Variants in SRRM4 observed in about 807,000 individuals in gnomAD.
SRRM4 encodes the protein serine/arginine repetitive matrix 4, also known as serine/arginine repetitive matrix protein 4.
Under a neutral mutation model 68.9 loss-of-function variants are expected in SRRM4, and 33 were observed. The observed-to-expected ratio is 0.48, with a 90% CI of 0.36 to 0.64. The LOEUF (loss-of-function observed/expected upper bound fraction) is 0.64, where lower values mean the gene tolerates loss of function less well. SRRM4 is among the 30% of genes least tolerant of loss of function. The probability of loss-of-function intolerance (pLI) is 0.00; values close to 1 mark genes in which losing one functional copy is unlikely to be tolerated. For synonymous variants in SRRM4, 318 were observed against 318.8 expected (o/e 1.00, Z 0.03); for missense variants, 817 against 827.1 (o/e 0.99, Z 0.15).
chr12:119,086,254 T>C (rs150494130), intron 1 of SRRM4, among the ~76,000 whole-genome samples: 91 of 152,238 alleles, frequency 6.0e-4, no homozygotes, highest in African/African-American at 2.0e-3. Context: ...ATATTCTTAG[T>C]TGGGCGCAAG....
chr12:119,114,913 C>T (rs867638583), intron 3 of SRRM4, among the ~76,000 whole-genome samples: 2 of 151,844 alleles, frequency 1.3e-5, no homozygotes, highest in African/African-American at 4.8e-5. Flanking sequence ...ATCCGCCTGC[C>T]TCGGCCTTCC....
chr12:119,035,406 T>C (rs932666929), intron 1 of SRRM4, among the ~76,000 whole-genome samples: 2 of 152,202 alleles, frequency 1.3e-5, no homozygotes, highest in Non-Finnish European at 2.9e-5. Flanking sequence ...TTGAACTTAG[T>C]AGGTGCATTT....
chr12:119,061,786 G>T (rs1245997680), intron 1 of SRRM4, among the ~76,000 whole-genome samples: 4 of 151,880 alleles, frequency 2.6e-5, no homozygotes, highest in African/African-American at 9.7e-5. Context: ...TTGGGTTACT[G>T]CTCTGTGCAT....
At chr12:118,988,204 T>A (rs1340284788) in intron 1 of SRRM4, among the ~76,000 whole-genome samples, 1 of 152,128 alleles carries the variant, frequency 6.6e-6, no homozygotes, top group Non-Finnish European at 1.5e-5. Context: ...TTATTTTTAG[T>A]TATCCGATCT....
chr12:119,109,182 G>A (rs1336587546), intron 2 of SRRM4, among the ~76,000 whole-genome samples: 6 of 152,206 alleles, frequency 3.9e-5, no homozygotes, highest in South Asian at 2.1e-4. Context: ...AGTTTCTGCC[G>A]AGAGATCAGC....
intron 1 of SRRM4, among the ~76,000 whole-genome samples, chr12:119,076,771 C>T (rs567091169): frequency 2.0e-5 from 3 of 152,338 alleles, no homozygotes; most frequent in East Asian, 3.9e-4. Context: ...CACACAGAAT[C>T]TCTGTAATCA....
chr12:118,986,912 G>GT (rs891861820), intron 1 of SRRM4, among the ~76,000 whole-genome samples: 6 of 151,742 alleles, frequency 4.0e-5, no homozygotes, highest in South Asian at 4.2e-4. Context: ...AAAAAAATCT[G>GT]TTTTTTTTAT....
chr12:119,130,702 A>G lies in SRRM4; in HGVS notation c.639A>G (p.Glu213=). 1 of 1,610,942 alleles carries G rather than the reference A, an allele frequency of 6.2e-7. No homozygotes were observed. Residue 213 remains glutamate (E), a synonymous_variant, in exon 8 of 13, where the codon GAA becomes GAG. Coordinates refer to ENST00000267260, the MANE Select transcript of SRRM4 (RefSeq NM_194286.4). Reference sequence around the variant, plus strand: ...GGCACCGCGGCCGGTCCCCTGAGGAAGGGCAGAAGTCCCGCCGAAGGCACT... The same window carrying G: ...GGCACCGCGGCCGGTCCCCTGAGGAGGGGCAGAAGTCCCGCCGAAGGCACT... ...ESRHRGRSPE[E]GQKSRRRHSR...
At chr12:119,125,144 C>T (rs541521632) in intron 6 of SRRM4, among the ~76,000 whole-genome samples, 1 of 152,198 alleles carries the variant, frequency 6.6e-6, no homozygotes, top group Non-Finnish European at 1.5e-5. Flanking sequence ...CATCCACACT[C>T]CCTTCAGAGG....
At chr12:119,062,277 T>G (rs1757740839) in intron 1 of SRRM4, among the ~76,000 whole-genome samples, 1 of 152,232 alleles carries the variant, frequency 6.6e-6, no homozygotes, top group Admixed American at 6.5e-5. Context: ...TTGCTCCTGG[T>G]GAGCCAGGGA....
chr12:119,006,796 T>C (rs1191775511), intron 1 of SRRM4, among the ~76,000 whole-genome samples: 4 of 152,234 alleles, frequency 2.6e-5, no homozygotes, highest in African/African-American at 7.2e-5. Flanking sequence ...AAGAAAGAGT[T>C]TGCAGCTTCT....
rs905680272 is a variant in SRRM4, at chr12:119,160,840, G to A, written c.*4042G>A. On this transcript the variant is annotated 3_prime_UTR_variant, in exon 13 of 13. Transcript: ENST00000267260. ...AAAGTAAAAACGAAAAGCAAGATTT[G>A]ATCTCCCTTCAGTTAATTAGGCAAG... The A allele has an allele frequency of 6.6e-6, 1 of 152,186 alleles. No individual in the cohort carries two copies. The highest frequency in any genetic ancestry group is 6.6e-5 in the Admixed American group (1 of 15,264). 9.4% of individuals were successfully genotyped at this position (152,186 alleles called of 1,614,324 possible).
intron 1 of SRRM4, among the ~76,000 whole-genome samples, chr12:118,991,093 C>T (rs1953313922): frequency 6.6e-6 from 1 of 152,186 alleles, no homozygotes; most frequent in Non-Finnish European, 1.5e-5. Context: ...GTGTGAGCCA[C>T]CATGCCTGGA....
At chr12:119,156,100 A>G (rs553875308) in intron 12 of SRRM4, among the ~76,000 whole-genome samples, 1 of 152,328 alleles carries the variant, frequency 6.6e-6, no homozygotes, top group East Asian at 1.9e-4. Flanking sequence ...AGGTTCATAC[A>G]TTTATTTCTA....
chr12:119,070,053 A>C lies in SRRM4; in HGVS notation c.132-32183A>C, dbSNP rs116025361. Among the ~76,000 whole-genome samples, 713 of 152,166 alleles carry C rather than the reference A, an allele frequency of 4.7e-3. 1 individual carries two copies. Among genetic ancestry groups the C allele is most frequent in the African/African-American group, 0.015 (620 of 41,502 alleles). ...CAGCTGATGATTGCCTTGGGAGAGG[A>C]ATGCAGGTCCCTTGCTTCCAATCTT... On this transcript the variant is annotated intron_variant, in intron 1 of 12. Transcript: ENST00000267260.
intron 1 of SRRM4, among the ~76,000 whole-genome samples, chr12:119,055,594 T>C (rs1405750169): frequency 6.6e-6 from 1 of 152,226 alleles, no homozygotes; most frequent in African/African-American, 2.4e-5. Context: ...GCATGCTATG[T>C]GCCAAGCACT....
chr12:119,021,765 C>A (rs1953517385), intron 1 of SRRM4, among the ~76,000 whole-genome samples: 1 of 152,146 alleles, frequency 6.6e-6, no homozygotes, highest in Non-Finnish European at 1.5e-5. Context: ...GGTCTCGTTC[C>A]TTTTTGTGGC....
intron 1 of SRRM4, among the ~76,000 whole-genome samples, chr12:119,090,092 A>G (rs1206247685): frequency 6.6e-6 from 1 of 152,140 alleles, no homozygotes; most frequent in East Asian, 1.9e-4. Flanking sequence ...CCAAATAACT[A>G]GGAGACCCTG....
At chr12:119,123,224 C>A (rs145226423) in intron 6 of SRRM4, among the ~76,000 whole-genome samples, 2 of 152,148 alleles carry the variant, frequency 1.3e-5, no homozygotes, top group Admixed American at 1.3e-4. Flanking sequence ...AAGGTCAGGA[C>A]GAAGGAGGGC....
Sources: gnomAD v4.1 joint callset for allele counts (sites outside exome capture counted in the v4.1 genomes callset) on GRCh38, gnomAD v4.1.1 for gene constraint, MANE v1.5 for transcripts, NCBI Gene and HGNC (gene_info 2026-07-23, HGNC 2026-07-21) for gene names.